CACNA1C: variants seen among roughly 807,000 people sequenced by gnomAD.
CACNA1C encodes the protein voltage-dependent L-type calcium channel subunit alpha-1C.
A neutral mutation model predicts 229.0 loss-of-function variants in CACNA1C; 30 were observed. The ratio of observed to expected loss-of-function variants is 0.13; its 90% CI spans 0.10 to 0.18. The LOEUF (loss-of-function observed/expected upper bound fraction) is 0.18. Among genes scored for constraint, CACNA1C ranks in the 10% least tolerant of loss-of-function variants. The pLI, the probability that CACNA1C is intolerant of heterozygous loss-of-function variation, is 1.00. For missense variants in CACNA1C, 1,658 were observed against 2,845.0 expected (o/e 0.58, Z 9.49); for synonymous variants, 1,114 against 1,132.5 (o/e 0.98, Z 0.33).
chr12:2,559,382 C>T (rs748444171), intron 11 of CACNA1C, among the ~76,000 whole-genome samples: 4 of 152,214 alleles, frequency 2.6e-5, no homozygotes, highest in African/African-American at 4.8e-5. Flanking sequence ...ACATTATTTT[C>T]ATCCAGTGAT....
intron 9 of CACNA1C, among the ~76,000 whole-genome samples, chr12:2,534,721 C>T (rs1444391309): frequency 6.6e-6 from 1 of 152,222 alleles, no homozygotes; most frequent in East Asian, 1.9e-4. Context: ...CGATCTTCCC[C>T]TGCAGTTCTC....
chr12:2,246,995 G>A (rs771335911), intron 3 of CACNA1C, among the ~76,000 whole-genome samples: 4 of 152,240 alleles, frequency 2.6e-5, no homozygotes, highest in Middle Eastern at 3.4e-3. Context: ...ATAACTCCCC[G>A]ATAGGTAGAA....
chr12:2,051,930 C>T (rs1447548618), upstream of CACNA1C, among the ~76,000 whole-genome samples: 2 of 152,112 alleles, frequency 1.3e-5, no homozygotes, highest in South Asian at 2.1e-4. Flanking sequence ...TTAGGGTCAC[C>T]CAGGGAATGA....
chr12:2,618,587 A>C (rs957546109), intron 29 of CACNA1C, among the ~76,000 whole-genome samples: 2 of 152,218 alleles, frequency 1.3e-5, no homozygotes, highest in Non-Finnish European at 2.9e-5. Context: ...TCCTCTAAAG[A>C]CACCAATGTG....
intron 1 of CACNA1C, among the ~76,000 whole-genome samples, chr12:2,093,652 C>T (rs2072456529): frequency 6.6e-6 from 1 of 152,178 alleles, no homozygotes; most frequent in Non-Finnish European, 1.5e-5. Context: ...TCCTTTCCCT[C>T]ATCGCGGAGC....
intron 7 of CACNA1C, among the ~76,000 whole-genome samples, chr12:2,502,613 A>T (rs2099763175): frequency 6.6e-6 from 1 of 152,190 alleles, no homozygotes; most frequent in African/African-American, 2.4e-5. Flanking sequence ...AATTTTCCTA[A>T]CCAAAATTTA....
chr12:2,416,754 G>A (rs1225306396), intron 3 of CACNA1C, among the ~76,000 whole-genome samples: 1 of 152,184 alleles, frequency 6.6e-6, no homozygotes, highest in Non-Finnish European at 1.5e-5. Context: ...ACTGACTGTG[G>A]AAGTCATTAT....
rs560937540 is a variant in CACNA1C at position 2,323,340 on chromosome 12, C to G, written c.478-125636C>G. 9.2e-5 allele frequency among the ~76,000 whole-genome samples: 14 copies of G among 152,314 alleles called. No homozygotes were observed. In the South Asian group the frequency reaches 2.9e-3, roughly 32 times the overall value. ...CACAATGTTGAGGGGCTCTGCTCCC[C>G]CTGGAGAGGTCTCTCTAGCCTAGAT... On this transcript the variant is annotated intron_variant, in intron 3 of 46. Transcript: ENST00000399655.
At chr12:2,544,710 G>A (rs1391075684) in intron 9 of CACNA1C, among the ~76,000 whole-genome samples, 2 of 152,226 alleles carry the variant, frequency 1.3e-5, no homozygotes, top group Admixed American at 1.3e-4. Flanking sequence ...TGCTGGTTGT[G>A]AAAGCATTTT....
At position 2,107,315 on chromosome 12, in the gene CACNA1C, G is replaced by A. The variant is rs1350163900; in HGVS notation, c.50-7909G>A. 2.9e-5 allele frequency among the ~76,000 whole-genome samples: 4 copies of A among 135,874 alleles called. No homozygotes were observed. The East Asian group carries it at 9.3e-4, about 31-fold the overall frequency. 89.1% of individuals were successfully genotyped at this position (135,874 alleles called of 152,430 possible). ...GCCACTGGGTGCTCACCCTGGAGAGGGTTTCCACCTCAGCTGGGGTGTGCT... is the reference window on the plus strand; with the variant it reads ...GCCACTGGGTGCTCACCCTGGAGAGAGTTTCCACCTCAGCTGGGGTGTGCT... On this transcript the variant is annotated intron_variant, in intron 1 of 46. Transcript: ENST00000399655.
chr12:2,036,811 C>G (rs1416522448), intron 1 of CACNA1C, among the ~76,000 whole-genome samples: 1 of 152,140 alleles, frequency 6.6e-6, no homozygotes, highest in Non-Finnish European at 1.5e-5. Flanking sequence ...AGGGTTATAC[C>G]TTAAGTCATT....
intron 3 of CACNA1C, among the ~76,000 whole-genome samples, chr12:2,391,478 G>C (rs1266192141): frequency 6.6e-6 from 1 of 152,224 alleles, no homozygotes; most frequent in African/African-American, 2.4e-5. Context: ...CAGTCAGCAG[G>C]GTGGGAGGGA....
At chr12:2,023,304 GT>G (rs2046783082) in intron 1 of CACNA1C, among the ~76,000 whole-genome samples, 1 of 152,134 alleles carries the variant, frequency 6.6e-6, no homozygotes, top group African/African-American at 2.4e-5. Flanking sequence ...GGAGTGTAGG[GT>G]GTGGAGAGTG....
intron 3 of CACNA1C, among the ~76,000 whole-genome samples, chr12:2,154,928 G>C (rs1443478135): frequency 2.0e-5 from 3 of 152,188 alleles, no homozygotes; most frequent in Non-Finnish European, 4.4e-5. Context: ...ATTCCCTCAG[G>C]CTGGTCTCCG....
At chr12:2,216,274 C>T (rs898612090) in intron 3 of CACNA1C, among the ~76,000 whole-genome samples, 9 of 152,106 alleles carry the variant, frequency 5.9e-5, no homozygotes, top group South Asian at 2.1e-4. Context: ...TCTTATTGTC[C>T]CTACTGCCTT....
intron 1 of CACNA1C, among the ~76,000 whole-genome samples, chr12:2,093,715 C>T (rs1454292247): frequency 6.6e-6 from 1 of 152,140 alleles, no homozygotes; most frequent in Non-Finnish European, 1.5e-5. Flanking sequence ...GGGGCAGCTT[C>T]GTAACTCTTT....
At chr12:2,042,252 A>G (rs914698471) in intron 1 of CACNA1C, among the ~76,000 whole-genome samples, 11 of 152,114 alleles carry the variant, frequency 7.2e-5, no homozygotes, top group Non-Finnish European at 5.9e-5. Context: ...TTTATGCTGG[A>G]AAGTCTTTTA....
At chr12:1,972,317 C>T (rs2032640452) in intron 1 of CACNA1C, among the ~76,000 whole-genome samples, 1 of 152,148 alleles carries the variant, frequency 6.6e-6, no homozygotes, top group African/African-American at 2.4e-5. Context: ...TTTGTGTAAA[C>T]ACTTGTTTCT....
At chr12:2,191,881 C>T (rs988220984) in intron 3 of CACNA1C, among the ~76,000 whole-genome samples, 1 of 75,662 alleles carries the variant, frequency 1.3e-5, no homozygotes, top group African/African-American at 3.6e-5. Flanking sequence ...CAGGCGCACA[C>T]GTACACACAG....
Sources: gnomAD v4.1 joint callset for allele counts (sites outside exome capture counted in the v4.1 genomes callset) on GRCh38, gnomAD v4.1.1 for gene constraint, MANE v1.5 for transcripts, NCBI Gene and HGNC (gene_info 2026-07-23, HGNC 2026-07-21) for gene names.